Variants in MLLT10 observed in about 807,000 individuals in gnomAD.
The protein encoded by MLLT10 is protein AF-10.
MLLT10 carries 30 observed loss-of-function variants against 129.1 expected under a neutral mutation model. That is an observed-to-expected ratio of 0.23 (90% CI 0.17 to 0.32). MLLT10 has a LOEUF of 0.32. MLLT10 is among the 10% of genes least tolerant of loss of function. MLLT10 has a pLI of 1.00. For synonymous variants in MLLT10, 490 were observed against 446.4 expected, an observed-to-expected ratio of 1.10 and a Z score of -1.23; for missense variants, 1,119 against 1,268.3, an observed-to-expected ratio of 0.88 and a Z score of 1.79.
intron 13 of MLLT10, among the ~76,000 whole-genome samples, chr10:21,706,284 A>G (rs770617577): frequency 1.3e-5 from 2 of 152,214 alleles, no homozygotes; most frequent in African/African-American, 4.8e-5. Context: ...TAGACAGCAT[A>G]CTGTCTACCA....
rs1475909463 is a variant in MLLT10, at chr10:21,704,373, A to C, written c.1700-9399A>C. Among the ~76,000 whole-genome samples, 35 of 146,636 alleles carry C rather than the reference A, an allele frequency of 2.4e-4. No individual in the cohort carries two copies. The East Asian group carries it at 3.4e-3, about 14-fold the overall frequency. ...TCTCTCTCTCTATATATATATATAT[A>C]TATATATATAATTATTACTGAATTA... On this transcript the variant is annotated intron_variant, in intron 13 of 22. Transcript: ENST00000307729.
In MLLT10 at chr10:21,713,982, TAG is replaced by T. The variant is rs753833850; in HGVS notation, c.1878+33_1878+34del. The T allele has an allele frequency of 1.2e-5, 18 of 1,557,108 alleles. 1 individual carries two copies. The African/African-American group carries it at 1.4e-4, about 12-fold the overall frequency. Reference sequence around the variant, plus strand: ...TGTTACACTATCATGTGACAGGTAATAGGTGGGTTTCTCATTTTTAAAGTGAG... The same window carrying T: ...TGTTACACTATCATGTGACAGGTAATGTGGGTTTCTCATTTTTAAAGTGAG... On this transcript the variant is annotated intron_variant, in intron 14 of 22. Transcript: ENST00000307729.
At chr10:21,620,677 A>G (rs2045721879) in intron 8 of MLLT10, among the ~76,000 whole-genome samples, 1 of 151,732 alleles carries the variant, frequency 6.6e-6, no homozygotes, top group Non-Finnish European at 1.5e-5. Context: ...TTAAATTTAC[A>G]ATTTTAAAAT....
intron 16 of MLLT10, among the ~76,000 whole-genome samples, chr10:21,728,965 ATCT>A (rs1485830203): frequency 6.6e-6 from 1 of 151,730 alleles, no homozygotes; most frequent in East Asian, 1.9e-4. Context: ...GTTAAGGAAC[ATCT>A]TCTTTATCCT....
At chr10:21,568,842 G>A (rs1244174076) in intron 3 of MLLT10, among the ~76,000 whole-genome samples, 2 of 152,156 alleles carry the variant, frequency 1.3e-5, no homozygotes, top group East Asian at 1.9e-4. Context: ...CACCGTCTTG[G>A]TCAGGCTGGT....
rs1403674993 is a variant in MLLT10 at position 21,682,333 on chromosome 10, G to A, written c.1699+76G>A. 4 of 1,348,614 alleles carry A rather than the reference G, an allele frequency of 3.0e-6. No homozygotes were observed. In the African/African-American group the frequency reaches 5.8e-5, roughly 20 times the overall value. The allele number at this position is 1,348,614 out of a possible 1,614,324, so 83.5% of individuals were successfully genotyped here. A position where few individuals can be genotyped will look rare whatever the true frequency, so the allele number is the denominator to read the frequency against. On this transcript the variant is annotated intron_variant, in intron 13 of 22. Transcript: ENST00000307729. The stretch of plus-strand genomic sequence containing the variant: ...CTTTTGTAGAGAATCTCGATTGAAA[G>A]CTAGCATGTTCTATTGATTAGATGA...
intron 13 of MLLT10, among the ~76,000 whole-genome samples, chr10:21,686,505 A>G (rs549804724): frequency 3.2e-4 from 49 of 152,316 alleles, no homozygotes; most frequent in South Asian, 2.1e-4. Flanking sequence ...GTGTTTTCCT[A>G]AAGTACTTTG....
intron 11 of MLLT10, among the ~76,000 whole-genome samples, chr10:21,674,217 A>G (rs950104726): frequency 2.6e-5 from 4 of 151,756 alleles, no homozygotes; most frequent in Admixed American, 2.6e-4. Flanking sequence ...TTTATTTCCT[A>G]TTTTTGTTTC....
chr10:21,647,086 G>C (rs1223533039), intron 8 of MLLT10, among the ~76,000 whole-genome samples: 1 of 152,086 alleles, frequency 6.6e-6, no homozygotes, highest in Non-Finnish European at 1.5e-5. Flanking sequence ...TCGATCTCCC[G>C]ACCTCGTGAT....
chr10:21,593,078 C>T (rs1338837065), intron 4 of MLLT10, among the ~76,000 whole-genome samples: 5 of 147,708 alleles, frequency 3.4e-5, no homozygotes, highest in Middle Eastern at 3.5e-3. Context: ...ATGTCTAAAC[C>T]GTTGTTAATC....
chr10:21,733,109 T>C lies in MLLT10; in HGVS notation c.2407+22T>C, dbSNP rs763568978. 5.1e-6 allele frequency: 8 copies of C among 1,573,822 alleles called. No homozygotes were observed. In the African/African-American group the frequency reaches 9.6e-5, roughly 19 times the overall value. ...ACTGGTAAGTGTGAAAATATTTATT[T>C]TGTATCTAAGGAAAATAGGCTTTCA... On this transcript the variant is annotated intron_variant, in intron 18 of 22. Transcript: ENST00000307729.
chr10:21,579,896 A>G (rs1157765940), intron 3 of MLLT10, among the ~76,000 whole-genome samples: 1 of 152,056 alleles, frequency 6.6e-6, no homozygotes, highest in Non-Finnish European at 1.5e-5. Context: ...TGTAGCTTCA[A>G]GTTCACTGAC....
At chr10:21,593,354 G>A (rs2042696933) in intron 4 of MLLT10, among the ~76,000 whole-genome samples, 1 of 152,056 alleles carries the variant, frequency 6.6e-6, no homozygotes, top group East Asian at 1.9e-4. Flanking sequence ...CTTCCAAAGT[G>A]CTGGGCTTAC....
At chr10:21,727,081 A>G (rs748559957) in intron 15 of MLLT10, among the ~76,000 whole-genome samples, 4 of 152,128 alleles carry the variant, frequency 2.6e-5, no homozygotes, top group Non-Finnish European at 4.4e-5. Flanking sequence ...GGGGAAGGGA[A>G]TGGATTTAGC....
At chr10:21,710,639 A>T (rs527331222) in intron 13 of MLLT10, among the ~76,000 whole-genome samples, 28 of 152,200 alleles carry the variant, frequency 1.8e-4, no homozygotes, top group African/African-American at 6.7e-4. Context: ...ATTGTGTTCT[A>T]TATGTAGGAG....
chr10:21,582,278 C>G (rs956890745), intron 3 of MLLT10, among the ~76,000 whole-genome samples: 1 of 152,074 alleles, frequency 6.6e-6, no homozygotes, highest in East Asian at 1.9e-4. Context: ...CCACCACATG[C>G]AGCTAATTTT....
intron 4 of MLLT10, among the ~76,000 whole-genome samples, chr10:21,587,516 A>C (rs1158171226): frequency 6.6e-6 from 1 of 150,462 alleles, no homozygotes; most frequent in Non-Finnish European, 1.5e-5. Flanking sequence ...TTTCTTCTCC[A>C]CTTTCAGTTA....
chr10:21,734,594 T>C (rs1458834591), intron 20 of MLLT10, among the ~76,000 whole-genome samples: 1 of 152,224 alleles, frequency 6.6e-6, no homozygotes, highest in Non-Finnish European at 1.5e-5. Flanking sequence ...TTTGAATGTT[T>C]GTTCAAAACT....
At chr10:21,668,665 T>A (rs971023312) in intron 9 of MLLT10, among the ~76,000 whole-genome samples, 1 of 152,180 alleles carries the variant, frequency 6.6e-6, no homozygotes, top group African/African-American at 2.4e-5. Flanking sequence ...TAATACTGTT[T>A]CTTCCAAATG....
Sources: gnomAD v4.1 joint callset for allele counts (sites outside exome capture counted in the v4.1 genomes callset) on GRCh38, gnomAD v4.1.1 for gene constraint, MANE v1.5 for transcripts, NCBI Gene and HGNC (gene_info 2026-07-23, HGNC 2026-07-21) for gene names.